Variants in ATG10 observed in about 807,000 individuals in gnomAD.
The protein encoded by ATG10 is ubiquitin-like-conjugating enzyme ATG10.
A neutral mutation model predicts 32.1 loss-of-function variants in ATG10; 30 were observed. That is an observed-to-expected ratio of 0.94 (90% CI 0.70 to 1.27). ATG10 has a LOEUF of 1.27. Ranked by LOEUF, ATG10 falls within the 50% of genes most tolerant of loss-of-function variation. ATG10 has a pLI of 0.00. For missense variants in ATG10, 233 were observed against 262.3 expected, an observed-to-expected ratio of 0.89 and a Z score of 0.77; for synonymous variants, 87 against 91.5, an observed-to-expected ratio of 0.95 and a Z score of 0.28.
At chr5:82,047,031 A>T (rs550278929) in intron 2 of ATG10, among the ~76,000 whole-genome samples, 1 of 152,090 alleles carries the variant, frequency 6.6e-6, no homozygotes, top group East Asian at 1.9e-4. Context: ...AGCAAAACTA[A>T]GCCTTTAAGA....
chr5:82,055,068 TTGTCTCTA>T (rs1763549608), intron 2 of ATG10, among the ~76,000 whole-genome samples: 1 of 152,112 alleles, frequency 6.6e-6, no homozygotes, highest in African/African-American at 2.4e-5. Flanking sequence ...TTGAGTTTGC[TTGTCTCTA>T]AAAAAGCATC....
intron 2 of ATG10, among the ~76,000 whole-genome samples, chr5:81,988,263 A>G (rs1761348092): frequency 6.6e-6 from 1 of 152,034 alleles, no homozygotes; most frequent in South Asian, 2.1e-4. Context: ...CAGCCTCCCT[A>G]GTAGCTGGGA....
At chr5:82,198,159 T>C (rs1422833207) in intron 5 of ATG10, among the ~76,000 whole-genome samples, 1 of 152,236 alleles carries the variant, frequency 6.6e-6, no homozygotes, top group African/African-American at 2.4e-5. Context: ...ATTTACTTTT[T>C]AGACATTCTT....
intron 3 of ATG10, among the ~76,000 whole-genome samples, chr5:82,081,079 T>C (rs1055920757): frequency 6.6e-6 from 1 of 152,212 alleles, no homozygotes; most frequent in African/African-American, 2.4e-5. Flanking sequence ...GTCCTTCACA[T>C]CCCTTGTAAG....
chr5:82,111,158 A>G (rs1361360451), intron 3 of ATG10, among the ~76,000 whole-genome samples: 1 of 151,992 alleles, frequency 6.6e-6, no homozygotes, highest in Non-Finnish European at 1.5e-5. Flanking sequence ...ATCAAACTTT[A>G]TAACATTTAC....
In ATG10 at chr5:82,098,655, A is replaced by G. The variant is rs577767019; in HGVS notation, c.216+40053A>G. 4.6e-5 allele frequency among the ~76,000 whole-genome samples: 7 copies of G among 152,318 alleles called. No individual in the cohort carries two copies. In the East Asian group the frequency reaches 1.3e-3, roughly 29 times the overall value. ...TGCAAACAAAGGGGTTATCGTTTATAGACTTCCATACTTGATTTGACTTGG... is the reference window on the plus strand; with the variant it reads ...TGCAAACAAAGGGGTTATCGTTTATGGACTTCCATACTTGATTTGACTTGG... On this transcript the variant is annotated intron_variant, in intron 3 of 7. Coordinates refer to ENST00000282185, the MANE Select transcript of ATG10 (RefSeq NM_031482.5).
At chr5:82,244,080 G>A (rs1009311979) in intron 5 of ATG10, among the ~76,000 whole-genome samples, 4 of 152,154 alleles carry the variant, frequency 2.6e-5, no homozygotes, top group Admixed American at 1.3e-4. Context: ...AAGTATAAAT[G>A]TGTGTATAAA....
intron 5 of ATG10, among the ~76,000 whole-genome samples, chr5:82,202,288 G>A (rs1198944119): frequency 2.0e-5 from 3 of 152,122 alleles, no homozygotes; most frequent in Non-Finnish European, 4.4e-5. Context: ...CAGATCAGTA[G>A]ATTTTGAGTA....
At chr5:82,105,200 T>A (rs1765408699) in intron 3 of ATG10, among the ~76,000 whole-genome samples, 1 of 152,160 alleles carries the variant, frequency 6.6e-6, no homozygotes, top group Admixed American at 6.6e-5. Flanking sequence ...TTTTATTGGA[T>A]ACTACTGTTT....
chr5:82,079,379 T>TA (rs1310142726), intron 3 of ATG10, among the ~76,000 whole-genome samples: 1 of 152,018 alleles, frequency 6.6e-6, no homozygotes, highest in African/African-American at 2.4e-5. Flanking sequence ...TTTTTTTTTT[T>TA]TATATACTTT....
At position 82,218,052 on chromosome 5, in the gene ATG10, T is replaced by TACACACACACACAC. The variant is rs60254193; in HGVS notation, c.454-34488_454-34475dup. 3.4e-3 allele frequency among the ~76,000 whole-genome samples: 499 copies of TACACACACACACAC among 145,288 alleles called. 1 individual carries two copies. The highest frequency in any genetic ancestry group is 0.01 in the Middle Eastern group (3 of 288). On this transcript the variant is annotated intron_variant, in intron 5 of 7. Transcript: ENST00000282185. ...TTATAACAGAACACTGTTCTCTCTTTACACACACACACACACACACACACA... is the reference window on the plus strand; with the variant it reads ...TTATAACAGAACACTGTTCTCTCTTTACACACACACACACACACACACACACACACACACACACA...
chr5:82,029,868 G>T (rs1163276854), intron 2 of ATG10, among the ~76,000 whole-genome samples: 1 of 152,138 alleles, frequency 6.6e-6, no homozygotes, highest in African/African-American at 2.4e-5. Context: ...TATTCTCTGA[G>T]CTTATCTTCA....
intron 2 of ATG10, among the ~76,000 whole-genome samples, chr5:81,989,594 T>C (rs1485644855): frequency 1.3e-5 from 2 of 152,134 alleles, no homozygotes; most frequent in Non-Finnish European, 2.9e-5. Context: ...TGTTTGCTAT[T>C]ATGTTTCAAT....
chr5:82,087,210 A>T (rs2149789143), intron 3 of ATG10, among the ~76,000 whole-genome samples: 1 of 152,354 alleles, frequency 6.6e-6, no homozygotes, highest in Admixed American at 6.5e-5. Context: ...GGAAAGGAGA[A>T]ATAAACATGG....
chr5:82,059,825 A>G (rs914504356), intron 3 of ATG10, among the ~76,000 whole-genome samples: 1 of 152,192 alleles, frequency 6.6e-6, no homozygotes, highest in Non-Finnish European at 1.5e-5. Flanking sequence ...GTGCTTGGTA[A>G]TAAGCTAAGT....
intron 3 of ATG10, among the ~76,000 whole-genome samples, chr5:82,077,222 C>G (rs10072295): frequency 0.47 from 70,754 of 151,948 alleles, 17,584 homozygotes; most frequent in East Asian, 0.78. Context: ...ACACGAGAGG[C>G]TGAGGTAGGA....
At chr5:82,068,969 T>A (rs907877964) in intron 3 of ATG10, among the ~76,000 whole-genome samples, 2 of 151,274 alleles carry the variant, frequency 1.3e-5, no homozygotes, top group African/African-American at 2.4e-5. Context: ...TGGAGGGAGA[T>A]ACGTTACTTA....
chr5:82,219,408 A>G (rs536976344), intron 5 of ATG10, among the ~76,000 whole-genome samples: 54 of 152,350 alleles, frequency 3.5e-4, no homozygotes, highest in Non-Finnish European at 6.0e-4. Context: ...GTGAAAATCT[A>G]TGTTAATAGG....
chr5:82,174,036 T>C (rs917027572), intron 4 of ATG10, among the ~76,000 whole-genome samples: 3 of 152,196 alleles, frequency 2.0e-5, no homozygotes, highest in Non-Finnish European at 4.4e-5. Context: ...TCAGTGGGAT[T>C]TCTCAAGTAT....
Sources: allele counts gnomAD v4.1 joint callset (sites outside exome capture counted in the v4.1 genomes callset), GRCh38; gene constraint gnomAD v4.1.1; transcripts MANE v1.5; gene names NCBI Gene and HGNC (gene_info 2026-07-23, HGNC 2026-07-21).